The following FGF2 variants were observed in gnomAD, a reference collection of about 807,000 sequenced individuals.
The protein encoded by FGF2 is basic fibroblast growth factor bFGF.
A neutral mutation model predicts 15.9 loss-of-function variants in FGF2; 13 were observed. The observed-to-expected ratio is 0.82, with a 90% confidence interval of 0.53 to 1.30. The LOEUF (loss-of-function observed/expected upper bound fraction) is 1.30. Among genes scored for constraint, FGF2 ranks in the 50% most tolerant of loss-of-function variants. The probability of loss-of-function intolerance (pLI) is 0.00; values close to 1 mark genes in which losing one functional copy is unlikely to be tolerated. For synonymous variants in FGF2, 90 were observed against 78.4 expected, an observed-to-expected ratio of 1.15 and a Z score of -0.78; for missense variants, 163 against 196.9, an observed-to-expected ratio of 0.83 and a Z score of 1.03.
chr4:122,827,144 T>C lies in FGF2; in HGVS notation c.-31T>C, dbSNP rs1445133560. 3 of 1,366,296 alleles carry C rather than the reference T, an allele frequency of 2.2e-6. No homozygotes were observed. The East Asian group carries it at 9.3e-5, about 42-fold the overall frequency. 84.6% of individuals were successfully genotyped at this position (1,366,296 alleles called of 1,614,324 possible). Reference sequence around the variant, plus strand: ...CGGCTCCCCGCGCGGCTCCAGCGGCTCGGGGATCCCGGCCGGGCCCCGCAG... The same window carrying C: ...CGGCTCCCCGCGCGGCTCCAGCGGCCCGGGGATCCCGGCCGGGCCCCGCAG... On this transcript the variant is annotated 5_prime_UTR_variant, in exon 1 of 3. Coordinates refer to ENST00000644866, the MANE Select transcript of FGF2 (RefSeq NM_001361665.2). This position sits in a 1 kb window ranked among gnomAD's most constrained non-coding sequence, Gnocchi z 4.2.
intron 1 of FGF2, among the ~76,000 whole-genome samples, chr4:122,868,182 G>A (rs1726643879): frequency 6.6e-6 from 1 of 151,862 alleles, no homozygotes; most frequent in African/African-American, 2.4e-5. Context: ...TAAAAAAATG[G>A]GATACATATG....
intron 1 of FGF2, among the ~76,000 whole-genome samples, chr4:122,858,209 T>G (rs1726378558): frequency 6.6e-6 from 1 of 152,162 alleles, no homozygotes; most frequent in African/African-American, 2.4e-5. Flanking sequence ...TTTGGGCTTC[T>G]GGGATGATAT....
chr4:122,826,743 C>T (rs2150757658), upstream of FGF2: 1 of 1,270,830 alleles, frequency 7.9e-7, no homozygotes, highest in African/African-American at 1.5e-5. Context: ...GGGGGCGGCG[C>T]GCAGGAGGGA....
At chr4:122,852,914 A>G (rs1452975947) in intron 1 of FGF2, among the ~76,000 whole-genome samples, 10 of 152,154 alleles carry the variant, frequency 6.6e-5, no homozygotes, top group Admixed American at 6.5e-4. Context: ...AACCTACGGT[A>G]TGTTTATAGT....
At chr4:122,838,306 G>T (rs895614963) in intron 1 of FGF2, among the ~76,000 whole-genome samples, 1 of 152,130 alleles carries the variant, frequency 6.6e-6, no homozygotes, top group Non-Finnish European at 1.5e-5. Context: ...CAGGTGTTTG[G>T]CCTTTACCAC....
chr4:122,889,589 A>AT (rs1466879261), intron 2 of FGF2, among the ~76,000 whole-genome samples: 3 of 152,030 alleles, frequency 2.0e-5, no homozygotes, highest in African/African-American at 7.2e-5. Flanking sequence ...CCTACTACTC[A>AT]TTTTTTTAAA....
rs1301289825 is a variant in FGF2 at position 122,894,494 on chromosome 4, G to A, written c.*2098G>A. On this transcript the variant is annotated 3_prime_UTR_variant, in exon 3 of 3. Transcript: ENST00000644866. ...GATACTTGGGAGGCTGAGGTGGGAGGGTTGATCACTTGAGGCTGAGAGGTC... is the reference window on the plus strand; with the variant it reads ...GATACTTGGGAGGCTGAGGTGGGAGAGTTGATCACTTGAGGCTGAGAGGTC... 1 of 152,084 alleles carries A rather than the reference G, an allele frequency of 6.6e-6. No individual in the cohort carries two copies. The highest frequency in any genetic ancestry group is 1.5e-5 in the Non-Finnish European group (1 of 68,042). 9.4% of individuals were successfully genotyped at this position (152,084 alleles called of 1,614,324 possible). A position where few individuals can be genotyped will look rare whatever the true frequency, so the allele number is the denominator to read the frequency against.
At chr4:122,864,241 CTT>C (rs1726527669) in intron 1 of FGF2, among the ~76,000 whole-genome samples, 1 of 152,090 alleles carries the variant, frequency 6.6e-6, no homozygotes, top group African/African-American at 2.4e-5. Flanking sequence ...TTGTGAGGGA[CTT>C]AATACTGGGA....
chr4:122,835,393 C>T (rs577652738), intron 1 of FGF2, among the ~76,000 whole-genome samples: 1 of 151,788 alleles, frequency 6.6e-6, no homozygotes, highest in Admixed American at 6.6e-5. Context: ...TTCTACTCTT[C>T]TTTCTGTGTA....
At chr4:122,874,505 T>G (rs1317373363) in intron 1 of FGF2, among the ~76,000 whole-genome samples, 3 of 152,144 alleles carry the variant, frequency 2.0e-5, no homozygotes, top group Admixed American at 6.5e-5. Context: ...AAGATTGTCT[T>G]TTTTTTAAAT....
intron 2 of FGF2, among the ~76,000 whole-genome samples, chr4:122,885,371 A>G (rs1727035045): frequency 1.3e-5 from 2 of 152,222 alleles, no homozygotes; most frequent in Non-Finnish European, 2.9e-5. Flanking sequence ...AGTCTGGTGA[A>G]ATAAAGTGAT....
chr4:122,897,255 C>T lies in FGF2; in HGVS notation c.*4859C>T, dbSNP rs949683611. The T allele has an allele frequency of 1.6e-5, 3 of 187,954 alleles. No individual in the cohort carries two copies. The highest frequency in any genetic ancestry group is 4.8e-5 in the African/African-American group (2 of 42,098). 11.6% of individuals were successfully genotyped at this position (187,954 alleles called of 1,614,324 possible). On this transcript the variant is annotated 3_prime_UTR_variant, in exon 3 of 3. Coordinates refer to ENST00000644866, the MANE Select transcript of FGF2 (RefSeq NM_001361665.2). Reference sequence around the variant, plus strand: ...TATTCATCCTCTGTGATGGAATGGTCAGGAATTTGTTTTCTCATAGTTTAA... The same window carrying T: ...TATTCATCCTCTGTGATGGAATGGTTAGGAATTTGTTTTCTCATAGTTTAA...
At chr4:122,837,590 G>A (rs1479328374) in intron 1 of FGF2, among the ~76,000 whole-genome samples, 3 of 151,570 alleles carry the variant, frequency 2.0e-5, no homozygotes, top group Non-Finnish European at 4.4e-5. Flanking sequence ...TCTACCAAGT[G>A]TCATTTGACC....
At chr4:122,834,522 T>A (rs1725825908) in intron 1 of FGF2, among the ~76,000 whole-genome samples, 1 of 152,378 alleles carries the variant, frequency 6.6e-6, no homozygotes. Flanking sequence ...TTTCCAATTT[T>A]TCATGCTACT....
chr4:122,856,012 A>T (rs1472589056), intron 1 of FGF2, among the ~76,000 whole-genome samples: 1 of 152,220 alleles, frequency 6.6e-6, no homozygotes, highest in Non-Finnish European at 1.5e-5. Flanking sequence ...TGGTGGCAGG[A>T]TAGCCCACAG....
Position 122,830,419 on chromosome 4 carries a change from C to T in FGF2, c.178+3067C>T, listed in dbSNP as rs558368002. On this transcript the variant is annotated intron_variant, in intron 1 of 2. Transcript: ENST00000644866. Reference sequence around the variant, plus strand: ...CCAATTTTTCAGTGTTGCTGAAGGTCAACTGTGCTTCACACCTGGGCATTC... The same window carrying T: ...CCAATTTTTCAGTGTTGCTGAAGGTTAACTGTGCTTCACACCTGGGCATTC... Among the ~76,000 whole-genome samples, 247 of 151,664 alleles carry T rather than the reference C, an allele frequency of 1.6e-3. 1 individual carries two copies. Among genetic ancestry groups the T allele is most frequent in the African/African-American group, 5.8e-3 (238 of 41,276 alleles).
chr4:122,898,039 T>C lies in FGF2; in HGVS notation c.*5643T>C. 5.5e-6 allele frequency: 1 copy of C among 180,510 alleles called. No individual in the cohort carries two copies. Among genetic ancestry groups the C allele is most frequent in the Non-Finnish European group, 1.2e-5 (1 of 86,590 alleles). The allele number at this position is 180,510 out of a possible 1,614,324, so 11.2% of individuals were successfully genotyped here. On this transcript the variant is annotated 3_prime_UTR_variant, in exon 3 of 3. Coordinates refer to ENST00000644866, the MANE Select transcript of FGF2 (RefSeq NM_001361665.2). ...ACAGATAGAAGAATCTTACAGATGC[T>C]GCTATAAATAAGTAGAAAATATAAA... is the stretch of plus-strand genomic sequence containing the variant.
Position 122,827,194 on chromosome 4 carries a change from C to A in FGF2, c.20C>A (p.Thr7Asn). 1.2e-6 allele frequency: 2 copies of A among 1,600,204 alleles called. No homozygotes were observed. Among genetic ancestry groups the A allele is most frequent in the East Asian group, 4.5e-5 (2 of 44,096 alleles). Residue 7 changes from threonine (T) to asparagine (N), a missense_variant, in exon 1 of 3, where the codon ACC becomes AAC. Physicochemically the swap from Thr to Asn is moderately conservative, Grantham distance 65. Coordinates refer to ENST00000644866, the MANE Select transcript of FGF2 (RefSeq NM_001361665.2). The surrounding 1 kb of genome is among the most constrained non-coding windows in gnomAD (Gnocchi z 4.2). MAAGSI[T>N]TLPALPEDGG... ...GGGACCATGGCAGCCGGGAGCATCA[C>A]CACGCTGCCCGCCTTGCCCGAGGAT...
chr4:122,850,238 G>C (rs308433), intron 1 of FGF2, among the ~76,000 whole-genome samples: 1 of 151,214 alleles, frequency 6.6e-6, no homozygotes, highest in African/African-American at 2.4e-5. Context: ...CTCCATCCTG[G>C]GCAACAAAGT....
Sources: gnomAD v4.1 joint callset for allele counts (sites outside exome capture counted in the v4.1 genomes callset) on GRCh38, gnomAD v4.1.1 for gene constraint, Gnocchi (gnomAD v3.1) non-coding constraint, MANE v1.5 for transcripts, NCBI Gene and HGNC (gene_info 2026-07-23, HGNC 2026-07-21) for gene names.